Variants in ACADVL observed in about 807,000 individuals in gnomAD.
ACADVL encodes very long-chain acyl-CoA dehydrogenase, mitochondrial.
ACADVL carries 73 observed loss-of-function variants against 80.4 expected under a neutral mutation model. The ratio of observed to expected loss-of-function variants is 0.91; its 90% CI spans 0.75 to 1.10. The LOEUF (loss-of-function observed/expected upper bound fraction) is 1.10, where lower values mean the gene tolerates loss of function less well. ACADVL is among the 50% of genes least tolerant of loss of function. ACADVL has a pLI of 0.00. For missense variants in ACADVL, 878 were observed against 858.9 expected, an observed-to-expected ratio of 1.02 and a Z score of -0.28; for synonymous variants, 392 against 326.5, an observed-to-expected ratio of 1.20 and a Z score of -2.16.
At chr17:7,220,437 G>C (rs763799450) in intron 2 of ACADVL, 27 bp from the exon 3 acceptor site, 7 of 1,614,036 alleles carry the variant, frequency 4.3e-6, no homozygotes, top group Non-Finnish European at 5.9e-6. Flanking sequence ...TCCCTTCCCT[G>C]AACTTGCTAA....
In ACADVL at chr17:7,222,696, A is replaced by C; in HGVS notation, c.908A>C (p.Lys303Thr). Residue 303 changes from lysine to threonine, a missense_variant, in exon 10 of 20, where the codon AAG becomes ACG. Lys to Thr is a moderately conservative substitution (Grantham distance 78). Coordinates refer to ENST00000356839, the MANE Select transcript of ACADVL (RefSeq NM_000018.4). ...CCCCCTGAGAAGAAGATGGGCATCA[A>C]GGCTTCAAACACAGCAGAGGTGTTC... is the stretch of plus-strand genomic sequence containing the variant. ...HGPPEKKMGI[K>T]ASNTAEVFFD... is the part of the protein sequence containing the mutation. The C allele has an allele frequency of 6.2e-7, 1 of 1,614,076 alleles. No homozygotes were observed. The highest frequency in any genetic ancestry group is 8.5e-7 in the Non-Finnish European group (1 of 1,179,996).
intron 2 of ACADVL, 79 bp downstream of exon 2, chr17:7,220,276 C>G (rs1383397001): frequency 6.6e-7 from 1 of 1,504,426 alleles, no homozygotes; most frequent in Non-Finnish European, 8.9e-7. Context: ...GGATCTCCCT[C>G]TTGGTGCCAG....
At position 7,220,741 on chromosome 17, in the gene ACADVL, C is replaced by T. The variant is rs754188342; in HGVS notation, c.278-25C>T. On this transcript the variant is annotated intron_variant, in intron 4 of 19. Transcript: ENST00000356839. The stretch of plus-strand genomic sequence containing the variant: ...GGTTTCCCCTGCCAGCCTGGCCTGA[C>T]CAGCCTGTCCCCCACCCTCTGCAGT... The T allele has an allele frequency of 1.1e-5, 17 of 1,614,060 alleles. 1 individual carries two copies. Among genetic ancestry groups the T allele is most frequent in the Non-Finnish European group, 1.4e-5 (17 of 1,180,040 alleles).
intron 16 of ACADVL, 23 bp downstream of exon 16, chr17:7,224,416 G>C (rs780274136): frequency 5.0e-6 from 8 of 1,613,754 alleles, no homozygotes; most frequent in Non-Finnish European, 6.8e-6. Context: ...GGGTCCAGGA[G>C]AGCCTGCATC....
rs372357967 is a variant in ACADVL, at chr17:7,224,438, C to G, written c.1606-42C>G. The stretch of plus-strand genomic sequence containing the variant: ...GGAGAGCCTGCATCAGGGACTGCAG[C>G]CGATGGCCCCTCTGAGCCCCGCACT... On this transcript the variant is annotated intron_variant, in intron 16 of 19. Transcript: ENST00000356839. 9.5e-5 allele frequency: 153 copies of G among 1,613,770 alleles called. 1 individual carries two copies. In the South Asian group the frequency reaches 1.7e-3, roughly 18 times the overall value.
intron 1 of ACADVL, 35 bp downstream of exon 1, chr17:7,220,081 C>A (rs777294732): frequency 1.3e-6 from 2 of 1,596,812 alleles, no homozygotes; most frequent in Non-Finnish European, 1.7e-6. Flanking sequence ...TGGGCAGCGG[C>A]CCTGGGCACC....
rs760914493 is a variant in ACADVL at position 7,221,534 on chromosome 17, C to G, written c.478-4C>G. The G allele has an allele frequency of 6.2e-7, 1 of 1,613,992 alleles. No individual in the cohort carries two copies. Among genetic ancestry groups the G allele is most frequent in the Admixed American group, 1.7e-5 (1 of 60,004 alleles). On this transcript the variant is annotated splice_region_variant and splice_polypyrimidine_tract_variant and intron_variant, in intron 6 of 19. Coordinates refer to ENST00000356839, the MANE Select transcript of ACADVL (RefSeq NM_000018.4). The stretch of plus-strand genomic sequence containing the variant: ...ACAACCCCAGATTCCTGCTTCCCCT[C>G]CAGTACGCCCGTTTGGTGGAGATCG...
intron 9 of ACADVL, 25 bp downstream of exon 9, chr17:7,222,327 C>A (rs748591453): frequency 6.2e-7 from 1 of 1,611,490 alleles, no homozygotes; most frequent in Non-Finnish European, 8.5e-7. Flanking sequence ...GTTGGGGGAG[C>A]TTAGGACTGA....
Position 7,220,051 on chromosome 17 carries a change from G to A in ACADVL, c.62+5G>A, listed in dbSNP as rs1299140180. 4 of 1,602,858 alleles carry A rather than the reference G, an allele frequency of 2.5e-6. No homozygotes were observed. In the Admixed American group the frequency reaches 5.0e-5, roughly 20 times the overall value. On this transcript the variant is annotated splice_donor_5th_base_variant and intron_variant, in intron 1 of 19. Coordinates refer to ENST00000356839, the MANE Select transcript of ACADVL (RefSeq NM_000018.4). ...GCTGAGGCTCGGGGGCGGAAGGTCT[G>A]TGTGTGACAAGAGGGACGGTGGGCA...
chr17:7,223,047 A>G, intron 10 of ACADVL, 86 bp from the exon 11 acceptor site: 1 of 1,492,754 alleles, frequency 6.7e-7, no homozygotes, highest in East Asian at 2.3e-5. Flanking sequence ...TGCAAAACCC[A>G]TCCCTCTGGC....
rs745832866 is a variant in ACADVL at position 7,223,208 on chromosome 17, C to T, written c.1153C>T (p.Arg385Trp). The change falls in exon 11 of 20, where the codon CGG (arginine) becomes TGG (tryptophan). Residue 385 changes from arginine (R) to tryptophan (W), a missense_variant. Arg to Trp is a moderately radical substitution (Grantham distance 101). Coordinates refer to ENST00000356839, the MANE Select transcript of ACADVL (RefSeq NM_000018.4). ...TGGGCTGATCCAGGAGAAGCTGGCA[C>T]GGATGGTTATGCTGCAGTATGTAAC... ...NFGLIQEKLA[R>W]MVMLQYVTES... is the part of the protein sequence containing the mutation. 2.5e-5 allele frequency: 41 copies of T among 1,613,894 alleles called. No homozygotes were observed. The highest frequency in any genetic ancestry group is 1.5e-4 in the Admixed American group (9 of 60,014).
rs1344272336 is a variant in ACADVL at position 7,221,949 on chromosome 17, C to G, written c.623-3C>G. Reference sequence around the variant, plus strand: ...TGGGGTAAAGTAGCTCTCTCCCCAACAGGGGAGACTGTGGCCGCTTTCTGT... The same window carrying G: ...TGGGGTAAAGTAGCTCTCTCCCCAAGAGGGGAGACTGTGGCCGCTTTCTGT... On this transcript the variant is annotated splice_region_variant and splice_polypyrimidine_tract_variant and intron_variant, in intron 7 of 19. Coordinates refer to ENST00000356839, the MANE Select transcript of ACADVL (RefSeq NM_000018.4). 6.2e-7 allele frequency: 1 copy of G among 1,614,110 alleles called. No individual in the cohort carries two copies. Among genetic ancestry groups the G allele is most frequent in the Admixed American group, 1.7e-5 (1 of 60,020 alleles).
At chr17:7,218,396 T>A (rs933768791), upstream of ACADVL, 2 of 1,393,678 alleles carry the variant, frequency 1.4e-6, no homozygotes, top group African/African-American at 2.9e-5. Context: ...CAGCCAAGGC[T>A]GGTCCACACT....
intron 12 of ACADVL, 25 bp from the exon 13 acceptor site, chr17:7,223,788 A>G (rs749614457): frequency 1.2e-6 from 2 of 1,614,142 alleles, no homozygotes; most frequent in Non-Finnish European, 1.7e-6. Flanking sequence ...TCCCAAAACC[A>G]GTCTCATCTG....
Position 7,220,908 on chromosome 17 carries a change from C to T in ACADVL, c.343-16C>T, listed in dbSNP as rs1909402764. On this transcript the variant is annotated splice_polypyrimidine_tract_variant and intron_variant, in intron 5 of 19. Transcript: ENST00000356839. ...CTCAAAAGGAGCCTGGATGTGGGATCCTGTGCCTTCCCCAGGAAGTGAACG... is the reference window on the plus strand; with the variant it reads ...CTCAAAAGGAGCCTGGATGTGGGATTCTGTGCCTTCCCCAGGAAGTGAACG... The T allele has an allele frequency of 6.2e-7, 1 of 1,614,052 alleles. No homozygotes were observed. The highest frequency in any genetic ancestry group is 8.5e-7 in the Non-Finnish European group (1 of 1,180,020).
Position 7,224,703 on chromosome 17 carries a change from G to T in ACADVL, c.1740G>T (p.Val580=). ...DGAIDLYAMV[V]VLSRASRSLS... The stretch of plus-strand genomic sequence containing the variant: ...CCATCGACCTCTATGCCATGGTGGT[G>T]GTTCTCTCGAGGTGAGGAGGCAGGC... The change falls in exon 18 of 20, where the codon GTG becomes GTT. Residue 580 remains valine, a synonymous_variant. Transcript: ENST00000356839. The T allele has an allele frequency of 6.3e-7, 1 of 1,594,766 alleles. No individual in the cohort carries two copies. Among genetic ancestry groups the T allele is most frequent in the Admixed American group, 1.8e-5 (1 of 56,798 alleles).
chr17:7,221,541 G>A lies in ACADVL; in HGVS notation c.481G>A (p.Ala161Thr), dbSNP rs375284481. The A allele has an allele frequency of 2.9e-5, 46 of 1,613,984 alleles. No homozygotes were observed. The highest frequency in any genetic ancestry group is 2.5e-4 in the Admixed American group (15 of 60,006). Residue 161 changes from alanine (A) to threonine (T), a missense_variant, in exon 7 of 20, where the codon GCC (alanine) becomes ACC (threonine). By Grantham distance (58) the Ala-to-Thr change is moderately conservative. Coordinates refer to ENST00000356839, the MANE Select transcript of ACADVL (RefSeq NM_000018.4). The stretch of plus-strand genomic sequence containing the variant: ...CAGATTCCTGCTTCCCCTCCAGTAC[G>A]CCCGTTTGGTGGAGATCGTGGGCAT... ...GGVGLCNTQY[A>T]RLVEIVGMHD... is the part of the protein sequence containing the mutation.
In ACADVL at chr17:7,221,595, G is replaced by A. The variant is rs796051909; in HGVS notation, c.535G>A (p.Gly179Arg). ...MHDLGVGITL[G>R]AHQSIGFKGI... ...TGACCTTGGCGTGGGCATTACCCTGGGGGCCCATCAGAGCATCGGTTTCAA... is the reference window on the plus strand; with the variant it reads ...TGACCTTGGCGTGGGCATTACCCTGAGGGCCCATCAGAGCATCGGTTTCAA... Residue 179 changes from glycine to arginine, a missense_variant, in exon 7 of 20, where the codon GGG becomes AGG. Transcript: ENST00000356839. The A allele has an allele frequency of 6.2e-7, 1 of 1,614,080 alleles. No homozygotes were observed. The highest frequency in any genetic ancestry group is 1.1e-5 in the South Asian group (1 of 91,080).
intron 6 of ACADVL, 178 bp downstream of exon 6, chr17:7,221,236 C>G: frequency 8.7e-7 from 1 of 1,148,496 alleles, no homozygotes; most frequent in Non-Finnish European, 1.2e-6. Flanking sequence ...TCCCCTAGGC[C>G]TGAGCCATGG....
Sources: gnomAD v4.1 joint callset for allele counts on GRCh38, gnomAD v4.1.1 for gene constraint, MANE v1.5 for transcripts, NCBI Gene and HGNC (gene_info 2026-07-23, HGNC 2026-07-21) for gene names.